The following ERG variants were observed in gnomAD, a reference collection of about 807,000 sequenced individuals.
The protein encoded by ERG is transcriptional regulator ERG.
ERG carries 9 observed loss-of-function variants against 55.3 expected under a neutral mutation model. The ratio of observed to expected loss-of-function variants is 0.16; its 90% CI spans 0.10 to 0.28. ERG has a LOEUF of 0.28. Ranked by LOEUF, ERG falls within the 10% of genes least tolerant of loss-of-function variation. ERG has a pLI of 1.00. For synonymous variants in ERG, 223 were observed against 237.3 expected, an observed-to-expected ratio of 0.94 and a Z score of 0.55; for missense variants, 434 against 631.6, an observed-to-expected ratio of 0.69 and a Z score of 3.35.
At chr21:38,634,863 A>G (rs996180529) in intron 1 of ERG, among the ~76,000 whole-genome samples, 134 of 152,224 alleles carry the variant, frequency 8.8e-4, no homozygotes, top group African/African-American at 3.2e-3. Context: ...AGCTTTGAAA[A>G]GAACATGAAG....
At chr21:38,448,028 G>A (rs1439192377) in intron 1 of ERG, among the ~76,000 whole-genome samples, 3 of 152,074 alleles carry the variant, frequency 2.0e-5, no homozygotes, top group African/African-American at 7.2e-5. Flanking sequence ...CCAAGATAAA[G>A]TAAGCTTACT....
chr21:38,660,541 T>A (rs2060546810), intron 1 of ERG: 1 of 152,016 alleles, frequency 6.6e-6, no homozygotes, highest in African/African-American at 2.4e-5. Context: ...AGCGCCGCCG[T>A]CGGGGGAGGG....
chr21:38,629,922 TA>T (rs1568960702), intron 1 of ERG, among the ~76,000 whole-genome samples: 1 of 152,140 alleles, frequency 6.6e-6, no homozygotes. Context: ...TACTCAGCCT[TA>T]AAAAAGAAAT....
At chr21:38,430,423 T>G (rs1990150339) in intron 2 of ERG, among the ~76,000 whole-genome samples, 1 of 152,250 alleles carries the variant, frequency 6.6e-6, no homozygotes, top group South Asian at 2.1e-4. Context: ...CTAAGTCCCA[T>G]CTATTTATCT....
At chr21:38,501,502 C>A (rs1339493910), upstream of ERG, among the ~76,000 whole-genome samples, 2 of 152,112 alleles carry the variant, frequency 1.3e-5, no homozygotes, top group Non-Finnish European at 2.9e-5. Context: ...TATTAAATGG[C>A]CTCATCCCTA....
intron 1 of ERG, among the ~76,000 whole-genome samples, chr21:38,654,354 C>A (rs1433393989): frequency 6.6e-6 from 1 of 152,216 alleles, no homozygotes; most frequent in Non-Finnish European, 1.5e-5. Flanking sequence ...TGCCTGTAAT[C>A]CCAGCTACTC....
At chr21:38,604,739 A>C (rs764523987) in intron 1 of ERG, among the ~76,000 whole-genome samples, 8 of 152,338 alleles carry the variant, frequency 5.3e-5, no homozygotes, top group Non-Finnish European at 1.0e-4. Context: ...TGGCATATCC[A>C]CATTAGGTCC....
rs549348482 is a variant in ERG at position 38,380,382 on chromosome 21, C to T, written c.*3021G>A. 48 of 1,061,206 alleles carry T rather than the reference C, an allele frequency of 4.5e-5. No homozygotes were observed. Among genetic ancestry groups the T allele is most frequent in the South Asian group, 9.1e-5 (2 of 21,946 alleles). The allele number at this position is 1,061,206 out of a possible 1,614,324, so 65.7% of individuals were successfully genotyped here. ...TGACAAAGCACTTTGTGAACCCCTC[C>T]GGGACATAAGGGCATCAAACTAGGA... On this transcript the variant is annotated 3_prime_UTR_variant, in exon 10 of 10. Transcript: ENST00000288319.
At chr21:38,563,700 T>A (rs2059906318) in intron 2 of ERG, among the ~76,000 whole-genome samples, 1 of 152,252 alleles carries the variant, frequency 6.6e-6, no homozygotes, top group Non-Finnish European at 1.5e-5. Context: ...GTGAAGCATG[T>A]GCTACATACA....
intron 1 of ERG, among the ~76,000 whole-genome samples, chr21:38,606,993 T>C (rs1053351669): frequency 2.0e-5 from 3 of 152,134 alleles, no homozygotes; most frequent in African/African-American, 7.2e-5. Context: ...CATCTAGTCA[T>C]ATCATGATAA....
At chr21:38,512,764 CAGAT>C in intron 2 of ERG, among the ~76,000 whole-genome samples, 1 of 152,068 alleles carries the variant, frequency 6.6e-6, no homozygotes, top group East Asian at 1.9e-4. Flanking sequence ...CCTTTGTAAT[CAGAT>C]AAAGTATTTT....
At position 38,429,662 on chromosome 21, in the gene ERG, CAT is replaced by C. The variant is rs148889263; in HGVS notation, c.237-6103_237-6102del. Reference sequence around the variant, plus strand: ...ACATGTATACACATGTACATATATACATATATGTGTATATATGTATATATGTG... The same window carrying C: ...ACATGTATACACATGTACATATATACATATGTGTATATATGTATATATGTG... On this transcript the variant is annotated intron_variant, in intron 2 of 9. Coordinates refer to ENST00000288319, the MANE Select transcript of ERG (RefSeq NM_182918.4). 3.7e-4 allele frequency among the ~76,000 whole-genome samples: 46 copies of C among 124,670 alleles called. 12 individuals carry two copies. Among genetic ancestry groups the C allele is most frequent in the East Asian group, 9.8e-4 (3 of 3,064 alleles). 81.8% of individuals were successfully genotyped at this position (124,670 alleles called of 152,430 possible).
intron 6 of ERG, among the ~76,000 whole-genome samples, chr21:38,398,890 T>C (rs1988356026): frequency 6.6e-6 from 1 of 152,186 alleles, no homozygotes; most frequent in East Asian, 1.9e-4. Flanking sequence ...ACCTATGAGA[T>C]GTCTTAACAT....
rs528879895 is a variant in ERG at position 38,659,923 on chromosome 21, T to A, written c.-150+1735A>T. On this transcript the variant is annotated intron_variant, in intron 1 of 10. Coordinates refer to the ERG transcript ENST00000398910. ...CTAGCTGATAAAATACAGACTATATTTTTTTTAACATGCCAAGTTTTGCAA... is the reference window on the plus strand; with the variant it reads ...CTAGCTGATAAAATACAGACTATATATTTTTTAACATGCCAAGTTTTGCAA... Among the ~76,000 whole-genome samples, 7 of 152,222 alleles carry A rather than the reference T, an allele frequency of 4.6e-5. No homozygotes were observed. The South Asian group carries it at 8.3e-4, about 18-fold the overall frequency.
chr21:38,549,291 C>T (rs1490669676), intron 2 of ERG, among the ~76,000 whole-genome samples: 1 of 152,082 alleles, frequency 6.6e-6, no homozygotes. Context: ...TCTGAAGGCT[C>T]CTAGAGTATA....
intron 2 of ERG, among the ~76,000 whole-genome samples, chr21:38,444,695 G>A (rs528244998): frequency 4.0e-4 from 60 of 150,370 alleles, no homozygotes; most frequent in Middle Eastern, 3.4e-3. Flanking sequence ...GGGAGACACT[G>A]GAGAGGGCTT....
chr21:38,457,695 G>A (rs1054091997), intron 1 of ERG, among the ~76,000 whole-genome samples: 1 of 152,174 alleles, frequency 6.6e-6, no homozygotes, highest in Non-Finnish European at 1.5e-5. Flanking sequence ...GAAATGCTAT[G>A]CACCACTGTG....
At chr21:38,461,971 A>AT (rs111262391) in intron 1 of ERG, among the ~76,000 whole-genome samples, 11,829 of 149,272 alleles carry the variant, frequency 0.079, 534 homozygotes, top group Non-Finnish European at 0.089. Flanking sequence ...TGCCTGGCTA[A>AT]TTTTTTTTTC....
Position 38,440,750 on chromosome 21 carries a change from T to C in ERG, c.236+4654A>G, listed in dbSNP as rs576487315. Among the ~76,000 whole-genome samples, 507 of 142,266 alleles carry C rather than the reference T, an allele frequency of 3.6e-3. 5 individuals are homozygous for C. Among genetic ancestry groups the C allele is most frequent in the African/African-American group, 0.012 (471 of 38,000 alleles). 93.3% of individuals were successfully genotyped at this position (142,266 alleles called of 152,430 possible). A position where few individuals can be genotyped will look rare whatever the true frequency, so the allele number is the denominator to read the frequency against. On this transcript the variant is annotated intron_variant, in intron 2 of 9. Coordinates refer to ENST00000288319, the MANE Select transcript of ERG (RefSeq NM_182918.4). ...GTTGCAGTGAGCCGAGATTGTGCCA[T>C]TGCATTCCAGCCTGGGTGACAAGAG...
Sources: gnomAD v4.1 joint callset for allele counts (sites outside exome capture counted in the v4.1 genomes callset) on GRCh38, gnomAD v4.1.1 for gene constraint, MANE v1.5 for transcripts, NCBI Gene and HGNC (gene_info 2026-07-23, HGNC 2026-07-21) for gene names.